The following SETBP1 variants were observed in gnomAD, a reference collection of about 807,000 sequenced individuals.
SETBP1 encodes the protein SET binding protein 1.
A neutral mutation model predicts 101.0 loss-of-function variants in SETBP1; 9 were observed. The observed-to-expected ratio is 0.09, with a 90% CI of 0.05 to 0.16. The LOEUF (loss-of-function observed/expected upper bound fraction) is 0.16, where lower values mean the gene tolerates loss of function less well. SETBP1 is among the 10% of genes least tolerant of loss of function. The probability of loss-of-function intolerance (pLI) is 1.00; values close to 1 mark genes in which losing one functional copy is unlikely to be tolerated. For synonymous variants in SETBP1, 818 were observed against 788.5 expected (o/e 1.04, Z -0.63); for missense variants, 1,858 against 2,033.8 (o/e 0.91, Z 1.66).
chr18:44,797,063 C>A (rs1221082033), intron 2 of SETBP1, among the ~76,000 whole-genome samples: 1 of 152,180 alleles, frequency 6.6e-6, no homozygotes, highest in African/African-American at 2.4e-5. Flanking sequence ...GGCACTGCAC[C>A]TTAACGAACA....
intron 3 of SETBP1, among the ~76,000 whole-genome samples, chr18:44,890,892 C>T (rs994066017): frequency 1.3e-5 from 2 of 152,086 alleles, no homozygotes; most frequent in African/African-American, 2.4e-5. Context: ...CATGGATCTT[C>T]TGATTCCAAG....
chr18:44,970,888 T>C (rs1266037077), intron 4 of SETBP1, among the ~76,000 whole-genome samples: 1 of 152,056 alleles, frequency 6.6e-6, no homozygotes, highest in Non-Finnish European at 1.5e-5. Flanking sequence ...TAATTATACT[T>C]TAAGTATTAG....
intron 5 of SETBP1, among the ~76,000 whole-genome samples, chr18:45,057,681 C>A (rs778384677): frequency 6.6e-6 from 1 of 152,202 alleles, no homozygotes; most frequent in Non-Finnish European, 1.5e-5. Flanking sequence ...TCCTCAACAT[C>A]TTTCCACCTC....
In SETBP1 at chr18:44,950,562, G is replaced by A; in HGVS notation, c.1222G>A (p.Ala408Thr). Residue 408 changes from alanine to threonine, a missense_variant, in exon 4 of 6, where the codon GCA becomes ACA. Coordinates refer to ENST00000649279, the MANE Select transcript of SETBP1 (RefSeq NM_015559.3). Reference sequence around the variant, plus strand: ...TGTCCGGATTACTATCCCCATCAAGGCACCCTCTCTGGATCCAACCAACCA... The same window carrying A: ...TGTCCGGATTACTATCCCCATCAAGACACCCTCTCTGGATCCAACCAACCA... ...SHVRITIPIK[A>T]PSLDPTNHKR... The A allele has an allele frequency of 1.9e-6, 3 of 1,613,986 alleles. No individual in the cohort carries two copies. The highest frequency in any genetic ancestry group is 2.5e-6 in the Non-Finnish European group (3 of 1,180,002).
At chr18:45,043,626 A>C (rs1959269612) in intron 5 of SETBP1, among the ~76,000 whole-genome samples, 1 of 152,206 alleles carries the variant, frequency 6.6e-6, no homozygotes, top group Non-Finnish European at 1.5e-5. Context: ...ACCAGAGCCC[A>C]TGAATAAGTA....
At position 44,844,439 on chromosome 18, in the gene SETBP1, T is replaced by C. The variant is rs543155410; in HGVS notation, c.487-24791T>C. ...ACATACTTCCTGCTTCTTACTGTCT[T>C]ATGCAGTGATGTGTGCTCTGGAGAC... On this transcript the variant is annotated intron_variant, in intron 2 of 5. Coordinates refer to ENST00000649279, the MANE Select transcript of SETBP1 (RefSeq NM_015559.3). Among the ~76,000 whole-genome samples, 9 of 152,224 alleles carry C rather than the reference T, an allele frequency of 5.9e-5. 1 individual carries two copies. The East Asian group carries it at 1.5e-3, about 26-fold the overall frequency.
Position 45,003,386 on chromosome 18 carries a change from A to T in SETBP1, c.4001-35099A>T, listed in dbSNP as rs1165990936. Among the ~76,000 whole-genome samples, 7 of 152,278 alleles carry T rather than the reference A, an allele frequency of 4.6e-5. No individual in the cohort carries two copies. In the East Asian group the frequency reaches 1.4e-3, roughly 29 times the overall value. Reference sequence around the variant, plus strand: ...AATAAGTAGTTTGCTTTTCATGATTACCCTCTTCCATTACAAGTAATGTAT... The same window carrying T: ...AATAAGTAGTTTGCTTTTCATGATTTCCCTCTTCCATTACAAGTAATGTAT... On this transcript the variant is annotated intron_variant, in intron 4 of 5. Transcript: ENST00000649279.
chr18:44,775,789 C>T (rs2070989480), intron 2 of SETBP1, among the ~76,000 whole-genome samples: 1 of 151,376 alleles, frequency 6.6e-6, no homozygotes, highest in East Asian at 1.9e-4. Flanking sequence ...TTAAAGACTA[C>T]CTGAGCTGGA....
chr18:44,723,057 G>C (rs1349378729), intron 2 of SETBP1, among the ~76,000 whole-genome samples: 20 of 152,132 alleles, frequency 1.3e-4, no homozygotes, highest in Admixed American at 1.3e-3. Flanking sequence ...ATCAGACCTT[G>C]GTGATGACCT....
intron 2 of SETBP1, among the ~76,000 whole-genome samples, chr18:44,777,700 C>A (rs16978163): frequency 0.084 from 12,770 of 152,222 alleles, 623 homozygotes; most frequent in East Asian, 0.19. Flanking sequence ...TTGCTCTGGG[C>A]TCCGTATCAG....
intron 2 of SETBP1, among the ~76,000 whole-genome samples, chr18:44,868,290 G>A (rs761562697): frequency 2.0e-5 from 3 of 151,926 alleles, no homozygotes; most frequent in South Asian, 2.1e-4. Flanking sequence ...ATCCTAAATA[G>A]TGTATAAAAT....
chr18:44,764,208 C>T (rs970626642), intron 2 of SETBP1, among the ~76,000 whole-genome samples: 10 of 152,224 alleles, frequency 6.6e-5, no homozygotes, highest in African/African-American at 2.4e-4. Context: ...CTGTGTTCCA[C>T]CTTACTGAAT....
chr18:44,965,671 G>A (rs2071707121), intron 4 of SETBP1, among the ~76,000 whole-genome samples: 1 of 152,168 alleles, frequency 6.6e-6, no homozygotes, highest in African/African-American at 2.4e-5. Flanking sequence ...CATGGACAAT[G>A]CAAGCATCAC....
At chr18:45,013,921 C>T (rs1261926722) in intron 4 of SETBP1, among the ~76,000 whole-genome samples, 1 of 152,190 alleles carries the variant, frequency 6.6e-6, no homozygotes, top group Non-Finnish European at 1.5e-5. Flanking sequence ...GTGTCCAAGA[C>T]ACTTGGGAAT....
At chr18:44,847,341 A>G (rs1408514463) in intron 2 of SETBP1, among the ~76,000 whole-genome samples, 6 of 152,152 alleles carry the variant, frequency 3.9e-5, no homozygotes, top group Non-Finnish European at 7.3e-5. Flanking sequence ...CGGTGCCTGG[A>G]TGGTTATTTA....
chr18:44,980,096 A>G (rs1210261377), intron 4 of SETBP1, among the ~76,000 whole-genome samples: 1 of 152,218 alleles, frequency 6.6e-6, no homozygotes, highest in Non-Finnish European at 1.5e-5. Context: ...GAACCGGACA[A>G]TAAGCAAAGC....
At chr18:44,754,649 C>T (rs2070455056) in intron 2 of SETBP1, among the ~76,000 whole-genome samples, 1 of 152,126 alleles carries the variant, frequency 6.6e-6, no homozygotes, top group African/African-American at 2.4e-5. Flanking sequence ...CATATAGATA[C>T]CCAGTCAAGA....
intron 2 of SETBP1, among the ~76,000 whole-genome samples, chr18:44,789,579 A>C (rs190156519): frequency 2.6e-4 from 39 of 152,312 alleles, no homozygotes; most frequent in Non-Finnish European, 4.7e-4. Context: ...ATACTGTTGA[A>C]ATTTATATTC....
At chr18:44,890,961 C>G (rs1381050390) in intron 3 of SETBP1, among the ~76,000 whole-genome samples, 1 of 152,082 alleles carries the variant, frequency 6.6e-6, no homozygotes, top group Non-Finnish European at 1.5e-5. Context: ...GGGTATTAGT[C>G]TGTTTCCATT....
Sources: allele counts gnomAD v4.1 joint callset (sites outside exome capture counted in the v4.1 genomes callset), GRCh38; gene constraint gnomAD v4.1.1; transcripts MANE v1.5; gene names NCBI Gene and HGNC (gene_info 2026-07-23, HGNC 2026-07-21).